ROBO1: variants seen among roughly 807,000 people sequenced by gnomAD.
ROBO1 encodes the protein roundabout homolog 1.
In ROBO1, 149 loss-of-function variants were observed where a neutral mutation model predicts 195.9. The observed-to-expected ratio is 0.76, with a 90% CI of 0.67 to 0.87. ROBO1 has a LOEUF of 0.87. Ranked by LOEUF, ROBO1 falls within the 40% of genes least tolerant of loss-of-function variation. The pLI is 0.00. For synonymous variants in ROBO1, 816 were observed against 733.2 expected (o/e 1.11, Z -1.82); for missense variants, 1,933 against 2,068.3 (o/e 0.93, Z 1.27).
At position 78,667,884 on chromosome 3, in the gene ROBO1, T is replaced by G. The variant is rs775407803; in HGVS notation, c.1965A>C (p.Gln655His). The change falls in exon 14 of 31, where the codon CAA becomes CAC. Residue 655 changes from glutamine to histidine, a missense_variant and splice_region_variant. Around this residue, in one of 3 missense-constraint regions of ROBO1, gnomAD observed 1,737 missense variants for 1,882.5 expected, o/e 0.92. Coordinates refer to ENST00000464233, the MANE Select transcript of ROBO1 (RefSeq NM_002941.4). ...PSQISDPVKT[Q>H]DVLPTSQGVD... ...AGGTTTAAGTAAATCAATATTTACC[T>G]TGTGTTTTCACTGGATCTGATATTT... 1.9e-6 allele frequency: 3 copies of G among 1,613,172 alleles called. No individual in the cohort carries two copies. The highest frequency in any genetic ancestry group is 8.5e-7 in the Non-Finnish European group (1 of 1,179,422).
chr3:78,656,957 T>A, intron 18 of ROBO1, 141 bp downstream of exon 18: 1 of 758,208 alleles, frequency 1.3e-6, no homozygotes, highest in Non-Finnish European at 2.0e-6. Flanking sequence ...TAAGTAAAGC[T>A]AACACCTTTT....
intron 2 of ROBO1, among the ~76,000 whole-genome samples, chr3:79,169,233 C>T (rs1017560015): frequency 6.6e-6 from 1 of 152,126 alleles, no homozygotes; most frequent in Non-Finnish European, 1.5e-5. Context: ...AGTACATATT[C>T]ATTTTATTAT....
intron 2 of ROBO1, among the ~76,000 whole-genome samples, chr3:79,528,254 C>A (rs1169204953): frequency 6.6e-6 from 1 of 152,108 alleles, no homozygotes; most frequent in Non-Finnish European, 1.5e-5. Context: ...AAGCAGAAAT[C>A]ATATTGACCT....
intron 1 of ROBO1, among the ~76,000 whole-genome samples, chr3:79,592,825 C>T (rs1359336691): frequency 1.3e-5 from 2 of 152,024 alleles, no homozygotes; most frequent in Admixed American, 6.6e-5. Flanking sequence ...GTATATGACA[C>T]ATATCAAACA....
At chr3:79,169,388 T>C (rs903670681) in intron 2 of ROBO1, among the ~76,000 whole-genome samples, 4 of 152,126 alleles carry the variant, frequency 2.6e-5, no homozygotes. Context: ...TAATTACTTG[T>C]TGAGATTATT....
intron 1 of ROBO1, among the ~76,000 whole-genome samples, chr3:79,687,382 T>A (rs1469122685): frequency 1.3e-5 from 2 of 152,218 alleles, no homozygotes; most frequent in East Asian, 1.9e-4. Flanking sequence ...TGGGATCTAA[T>A]TAAACTAAAG....
chr3:79,263,841 A>G (rs540548202), intron 2 of ROBO1, among the ~76,000 whole-genome samples: 43 of 152,162 alleles, frequency 2.8e-4, no homozygotes, highest in Admixed American at 1.5e-3. Context: ...TCTAATATGT[A>G]GTGGGAATAA....
chr3:79,178,201 T>C (rs746781644), intron 2 of ROBO1, among the ~76,000 whole-genome samples: 1 of 152,166 alleles, frequency 6.6e-6, no homozygotes, highest in Non-Finnish European at 1.5e-5. Flanking sequence ...TTTTCAAGAG[T>C]TCCTATTTGT....
At chr3:79,372,764 T>G (rs1472735326) in intron 2 of ROBO1, among the ~76,000 whole-genome samples, 1 of 152,194 alleles carries the variant, frequency 6.6e-6, no homozygotes, top group Non-Finnish European at 1.5e-5. Flanking sequence ...AATACATTTT[T>G]TTTTCATTAT....
At position 78,809,823 on chromosome 3, in the gene ROBO1, C is replaced by T. The variant is rs1235562216; in HGVS notation, c.500-62923G>A. Among the ~76,000 whole-genome samples, 3 of 151,430 alleles carry T rather than the reference C, an allele frequency of 2.0e-5. No homozygotes were observed. In the East Asian group the frequency reaches 5.9e-4, roughly 30 times the overall value. ...CATGGACACAGGGAGGGGAACATCACACACCGAAGCCTCTTGAGGGTGGGA... is the reference window on the plus strand; with the variant it reads ...CATGGACACAGGGAGGGGAACATCATACACCGAAGCCTCTTGAGGGTGGGA... On this transcript the variant is annotated intron_variant, in intron 4 of 30. Coordinates refer to ENST00000464233, the MANE Select transcript of ROBO1 (RefSeq NM_002941.4).
chr3:78,679,838 G>C (rs2080847710), intron 10 of ROBO1, among the ~76,000 whole-genome samples: 9 of 151,312 alleles, frequency 5.9e-5, no homozygotes, highest in South Asian at 4.2e-4. Flanking sequence ...CTACTTTAAA[G>C]TTCATATGGA....
intron 3 of ROBO1, among the ~76,000 whole-genome samples, chr3:79,040,749 T>C: frequency 6.6e-6 from 1 of 152,240 alleles, no homozygotes; most frequent in East Asian, 1.9e-4. Flanking sequence ...GTCATTCCAG[T>C]GGTTAACTAC....
chr3:79,441,893 T>C (rs894368140), intron 2 of ROBO1, among the ~76,000 whole-genome samples: 13 of 152,134 alleles, frequency 8.5e-5, no homozygotes, highest in Admixed American at 7.2e-4. Context: ...AATGATTTCA[T>C]ATGCAACATA....
chr3:79,607,569 C>T (rs925091331), intron 1 of ROBO1, among the ~76,000 whole-genome samples: 1 of 148,282 alleles, frequency 6.7e-6, no homozygotes, highest in Admixed American at 6.9e-5. Flanking sequence ...ATAATATTAT[C>T]TTCAATCAAA....
intron 10 of ROBO1, chr3:78,670,562 C>G: frequency 2.5e-6 from 1 of 403,716 alleles, no homozygotes; most frequent in South Asian, 3.2e-5. Context: ...TTAAAGAGTT[C>G]GGGAATTAGG....
chr3:78,827,724 A>G (rs970014115), intron 4 of ROBO1, among the ~76,000 whole-genome samples: 5 of 152,156 alleles, frequency 3.3e-5, no homozygotes, highest in African/African-American at 1.2e-4. Context: ...CTAATGTGCT[A>G]ATGTGGCGGC....
chr3:79,175,549 G>A (rs1178332553), intron 2 of ROBO1, among the ~76,000 whole-genome samples: 1 of 152,124 alleles, frequency 6.6e-6, no homozygotes, highest in Non-Finnish European at 1.5e-5. Context: ...AGTTTATCTA[G>A]GCCACATTGT....
intron 2 of ROBO1, among the ~76,000 whole-genome samples, chr3:79,542,424 A>AT (rs1942106316): frequency 6.6e-6 from 1 of 151,984 alleles, no homozygotes; most frequent in South Asian, 2.1e-4. Context: ...AAATAAAGTT[A>AT]TTTTTTCAGA....
chr3:79,679,406 C>T (rs1222762188), intron 1 of ROBO1, among the ~76,000 whole-genome samples: 1 of 151,824 alleles, frequency 6.6e-6, no homozygotes, highest in Non-Finnish European at 1.5e-5. Flanking sequence ...TATTCTCTTA[C>T]TTAAATACTT....
Sources: allele counts gnomAD v4.1 joint callset (sites outside exome capture counted in the v4.1 genomes callset), GRCh38; gene constraint gnomAD v4.1.1; regional missense constraint gnomAD v4.1.1; transcripts MANE v1.5; gene names NCBI Gene and HGNC (gene_info 2026-07-23, HGNC 2026-07-21).